Variants in MRPL44 observed in about 807,000 individuals in gnomAD.
MRPL44 encodes the protein large ribosomal subunit protein mL44.
A neutral mutation model predicts 25.9 loss-of-function variants in MRPL44; 21 were observed. That is an observed-to-expected ratio of 0.81 (90% CI 0.58 to 1.17). The LOEUF (loss-of-function observed/expected upper bound fraction) is 1.17, where lower values mean the gene tolerates loss of function less well. Ranked by LOEUF, MRPL44 falls within the 50% of genes most tolerant of loss-of-function variation. The pLI is 0.00. For synonymous variants in MRPL44, 169 were observed against 151.0 expected (o/e 1.12, Z -0.87); for missense variants, 410 against 398.9 (o/e 1.03, Z -0.24).
intron 3 of MRPL44, among the ~76,000 whole-genome samples, chr2:223,966,174 T>C (rs1689737911): frequency 6.6e-6 from 1 of 150,684 alleles, no homozygotes; most frequent in South Asian, 2.1e-4. Context: ...AGGCGGAGCC[T>C]GCAGTGAGCC....
At chr2:223,951,478 G>GT in the MRPL44 span, among the ~76,000 whole-genome samples, 2,076 of 112,512 alleles carry the variant, frequency 0.018, 103 homozygotes, top group African/African-American at 0.057. Context: ...TTACCTTGGA[G>GT]TTTTTTTTTT....
rs764593644 is a variant in MRPL44, at chr2:223,963,810, A to G, written c.703A>G (p.Ile235Val). 6.2e-6 allele frequency: 10 copies of G among 1,613,482 alleles called. No homozygotes were observed. The highest frequency in any genetic ancestry group is 1.3e-5 in the African/African-American group (1 of 74,908). ...AGAGCTCTTTGAGATGTGGAAGATA[A>G]TAAATCCCATGGGGCTATTGGTAGA... ...GKELFEMWKI[I>V]NPMGLLVEEL... Residue 235 changes from isoleucine (I) to valine (V), a missense_variant, in exon 3 of 4, where the codon ATA becomes GTA. Physicochemically the swap from Ile to Val is conservative, Grantham distance 29 (BLOSUM62 3). Transcript: ENST00000258383.
chr2:223,967,102 C>A lies in MRPL44; in HGVS notation c.*68C>A. ...GATAAATGTCAAAGGTGTTTCAAGC[C>A]AGACATTTTCACAATTGTGAAGAAA... On this transcript the variant is annotated 3_prime_UTR_variant, in exon 4 of 4. Transcript: ENST00000258383. 1 of 1,384,018 alleles carries A rather than the reference C, an allele frequency of 7.2e-7. No individual in the cohort carries two copies. Among genetic ancestry groups the A allele is most frequent in the Non-Finnish European group, 9.7e-7 (1 of 1,026,860 alleles). The allele number at this position is 1,384,018 out of a possible 1,614,324, so 85.7% of individuals were successfully genotyped here.
At position 223,963,774 on chromosome 2, in the gene MRPL44, A is replaced by G. The variant is rs200047015; in HGVS notation, c.667A>G (p.Met223Val). Residue 223 changes from methionine to valine, a missense_variant, in exon 3 of 4, where the codon ATG becomes GTG. Transcript: ENST00000258383. ...TATGCAGGACTTCTTAATTACTCAA[A>G]TGACTGGAAAAGAGCTCTTTGAGAT... ...LFIRDFLITQ[M>V]TGKELFEMWK... The G allele has an allele frequency of 2.2e-5, 35 of 1,600,904 alleles. No individual in the cohort carries two copies. The highest frequency in any genetic ancestry group is 1.3e-5 in the African/African-American group (1 of 74,192).
intron 1 of MRPL44, among the ~76,000 whole-genome samples, chr2:223,959,024 G>A (rs545630834): frequency 3.1e-4 from 47 of 152,180 alleles, no homozygotes; most frequent in Non-Finnish European, 5.6e-4. Context: ...GAAGTACAGT[G>A]AAACGAAGTG....
At chr2:223,966,201 A>C (rs898350734) in intron 3 of MRPL44, among the ~76,000 whole-genome samples, 1 of 149,800 alleles carries the variant, frequency 6.7e-6, no homozygotes, top group African/African-American at 2.5e-5. Flanking sequence ...GTGCCACTGC[A>C]CTACAGCCTG....
In MRPL44 at chr2:223,957,617, C is replaced by G. The variant is rs1195095809; in HGVS notation, c.145C>G (p.Arg49Gly). The G allele has an allele frequency of 6.2e-7, 1 of 1,611,120 alleles. No individual in the cohort carries two copies. Among genetic ancestry groups the G allele is most frequent in the South Asian group, 1.1e-5 (1 of 91,052 alleles). Residue 49 changes from arginine (R) to glycine (G), a missense_variant, in exon 1 of 4, where the codon CGC becomes GGC. By Grantham distance (125) the Arg-to-Gly change is moderately radical (BLOSUM62 -2). Coordinates refer to ENST00000258383, the MANE Select transcript of MRPL44 (RefSeq NM_022915.5). ...CTTCCAGAAGGAGTTAGAGCGGCAG[C>G]GCCTTCTGCGGTGCCCGCCGCCGCC... ...FRFQKELERQ[R>G]LLRCPPPPVR...
At chr2:223,965,950 G>C (rs1039109671) in intron 3 of MRPL44, 2 of 150,092 alleles carry the variant, frequency 1.3e-5, no homozygotes, top group African/African-American at 2.5e-5. Context: ...CTCCTGCTTT[G>C]GTCTCCCAAA....
rs1689747027 is a variant in MRPL44 at position 223,966,733 on chromosome 2, A to G, written c.828-130A>G. 7.3e-6 allele frequency: 5 copies of G among 687,062 alleles called. No homozygotes were observed. In the Admixed American group the frequency reaches 1.6e-4, roughly 22 times the overall value. The allele number at this position is 687,062 out of a possible 1,614,324, so 42.6% of individuals were successfully genotyped here. A position where few individuals can be genotyped will look rare whatever the true frequency, so the allele number is the denominator to read the frequency against. ...GTTAAAATCCAAAAGATGATCTATC[A>G]GAGCTATTGTGTTACTTCTAATGGG... On this transcript the variant is annotated intron_variant, in intron 3 of 3. Coordinates refer to ENST00000258383, the MANE Select transcript of MRPL44 (RefSeq NM_022915.5).
rs150107535 is a variant in MRPL44, at chr2:223,958,062, G to C, written c.179+411G>C. 1.5e-3 allele frequency among the ~76,000 whole-genome samples: 223 copies of C among 152,258 alleles called. 2 individuals are homozygous for C. Among genetic ancestry groups the C allele is most frequent in the Middle Eastern group, 6.8e-3 (2 of 294 alleles). ...TACAACCTGAATTCTGCTGTCTAGA[G>C]TAAAAGGAAAAAAAGTTAGCTTTAG... is the stretch of plus-strand genomic sequence containing the variant. On this transcript the variant is annotated intron_variant, in intron 1 of 3. Coordinates refer to ENST00000258383, the MANE Select transcript of MRPL44 (RefSeq NM_022915.5).
At position 223,959,417 on chromosome 2, in the gene MRPL44, T is replaced by C. The variant is rs1272068133; in HGVS notation, c.180-117T>C. The C allele has an allele frequency of 8.6e-6, 7 of 814,328 alleles. No homozygotes were observed. In the South Asian group the frequency reaches 1.1e-4, roughly 13 times the overall value. The allele number at this position is 814,328 out of a possible 1,614,324, so 50.4% of individuals were successfully genotyped here. ...ATATCAACCTGGCATTAAAAAGAAATATAACCTTCTTTCATTTCCTTTATA... is the reference window on the plus strand; with the variant it reads ...ATATCAACCTGGCATTAAAAAGAAACATAACCTTCTTTCATTTCCTTTATA... On this transcript the variant is annotated intron_variant, in intron 1 of 3. Coordinates refer to ENST00000258383, the MANE Select transcript of MRPL44 (RefSeq NM_022915.5).
chr2:223,963,995 A>G, intron 3 of MRPL44, 61 bp downstream of exon 3: 1 of 1,386,042 alleles, frequency 7.2e-7, no homozygotes, highest in African/African-American at 1.5e-5. Context: ...CAGACTCCTC[A>G]CAAAGCCTTA....
intron 2 of MRPL44, among the ~76,000 whole-genome samples, chr2:223,962,306 G>A (rs996805396): frequency 5.3e-5 from 8 of 152,124 alleles, no homozygotes; most frequent in Non-Finnish European, 7.3e-5. Flanking sequence ...GGGATTATAG[G>A]TATCAGCCAC....
chr2:223,961,847 T>G (rs1210793042), intron 2 of MRPL44, among the ~76,000 whole-genome samples: 1 of 152,120 alleles, frequency 6.6e-6, no homozygotes, highest in South Asian at 2.1e-4. Flanking sequence ...TTAAGAAAAA[T>G]TGAGCTTTCT....
At chr2:223,953,297 G>A (rs1380686155), upstream of MRPL44, among the ~76,000 whole-genome samples, 1 of 151,928 alleles carries the variant, frequency 6.6e-6, no homozygotes, top group East Asian at 1.9e-4. Flanking sequence ...ACCATGTCCA[G>A]ATAATTTTTG....
chr2:223,957,929 TTA>T (rs1331725199), intron 1 of MRPL44, among the ~76,000 whole-genome samples: 1 of 152,174 alleles, frequency 6.6e-6, no homozygotes, highest in Non-Finnish European at 1.5e-5. Flanking sequence ...AGGGTCTTCC[TTA>T]TGTGGACTTG....
intron 1 of MRPL44, among the ~76,000 whole-genome samples, chr2:223,958,254 G>A (rs1217930606): frequency 1.3e-5 from 2 of 152,090 alleles, no homozygotes; most frequent in Admixed American, 1.3e-4. Context: ...ACAAAGATAT[G>A]TACCTCACTC....
In MRPL44 at chr2:223,963,853, A is replaced by G. The variant is rs151141775; in HGVS notation, c.746A>G (p.Asn249Ser). The change falls in exon 3 of 4, where the codon AAT (asparagine) becomes AGT (serine). Residue 249 changes from asparagine to serine, a missense_variant. Transcript: ENST00000258383. ...TTGGTAGAAGAACTGAAGAAAAGGAATGTTTCAGCTCCTGAATCAAGACTT... is the reference window on the plus strand; with the variant it reads ...TTGGTAGAAGAACTGAAGAAAAGGAGTGTTTCAGCTCCTGAATCAAGACTT... ...GLLVEELKKR[N>S]VSAPESRLTR... The G allele has an allele frequency of 2.5e-4, 410 of 1,613,816 alleles. No homozygotes were observed. The highest frequency in any genetic ancestry group is 3.0e-4 in the Non-Finnish European group (355 of 1,179,870).
upstream of MRPL44, chr2:223,957,295 C>CA: frequency 2.9e-6 from 2 of 698,940 alleles, no homozygotes; most frequent in Non-Finnish European, 2.4e-6. Context: ...AAGGCGGCCG[C>CA]AATCACCCCG....
Sources: allele counts gnomAD v4.1 joint callset (sites outside exome capture counted in the v4.1 genomes callset), GRCh38; gene constraint gnomAD v4.1.1; transcripts MANE v1.5; gene names NCBI Gene and HGNC (gene_info 2026-07-23, HGNC 2026-07-21).